Variants in WWOX observed in about 807,000 individuals in gnomAD.
WWOX encodes the protein WW domain-containing oxidoreductase.
Under a neutral mutation model 46.2 loss-of-function variants are expected in WWOX, and 69 were observed. The ratio of observed to expected loss-of-function variants is 1.49; its 90% CI spans 1.23 to 1.82. The LOEUF is 1.82. Among genes scored for constraint, WWOX ranks in the 40% most tolerant of loss-of-function variants. The probability of loss-of-function intolerance (pLI) is 0.00; values close to 1 mark genes in which losing one functional copy is unlikely to be tolerated. For missense variants in WWOX, 919 were observed against 542.6 expected, an observed-to-expected ratio of 1.69 and a Z score of -6.89; for synonymous variants, 359 against 202.6, an observed-to-expected ratio of 1.77 and a Z score of -6.56.
chr16:79,016,213 C>T (rs974426770), intron 8 of WWOX: 1 of 152,212 alleles, frequency 6.6e-6, no homozygotes, highest in African/African-American at 2.4e-5. Context: ...TCTGTAATAC[C>T]TTGTACCCCA....
At chr16:78,704,766 C>A (rs911427632) in intron 8 of WWOX, among the ~76,000 whole-genome samples, 1 of 152,264 alleles carries the variant, frequency 6.6e-6, no homozygotes, top group East Asian at 1.9e-4. Flanking sequence ...TCCCTGTTGA[C>A]TCCTTTCTTT....
chr16:78,910,638 G>C (rs933940416), intron 8 of WWOX, among the ~76,000 whole-genome samples: 3 of 151,964 alleles, frequency 2.0e-5, no homozygotes, highest in African/African-American at 7.2e-5. Flanking sequence ...GGCGGTGGAG[G>C]TGTCACCATT....
intron 8 of WWOX, among the ~76,000 whole-genome samples, chr16:79,175,277 C>T (rs2050778453): frequency 6.6e-6 from 1 of 152,146 alleles, no homozygotes; most frequent in African/African-American, 2.4e-5. Context: ...GTTTGAAATC[C>T]AACTTTATTC....
At chr16:78,329,059 G>T (rs375356871) in intron 5 of WWOX, among the ~76,000 whole-genome samples, 2 of 152,004 alleles carry the variant, frequency 1.3e-5, no homozygotes, top group Non-Finnish European at 2.9e-5. Context: ...CGAGGTTTCA[G>T]CATGTTCGCC....
chr16:78,540,768 C>T (rs994706967), intron 8 of WWOX, among the ~76,000 whole-genome samples: 2 of 152,062 alleles, frequency 1.3e-5, no homozygotes, highest in East Asian at 1.9e-4. Flanking sequence ...CTCATGGTGA[C>T]CTCAAATTCA....
chr16:78,886,004 A>G (rs1217137220), intron 8 of WWOX, among the ~76,000 whole-genome samples: 2 of 147,562 alleles, frequency 1.4e-5, no homozygotes, highest in African/African-American at 2.5e-5. Flanking sequence ...GGCTTGCTGC[A>G]ACCTCTGCCT....
intron 8 of WWOX, among the ~76,000 whole-genome samples, chr16:78,912,795 G>C (rs2045145353): frequency 6.6e-6 from 1 of 151,966 alleles, no homozygotes; most frequent in Non-Finnish European, 1.5e-5. Context: ...AGCCAATAAG[G>C]GAGGCTGAGA....
chr16:78,574,479 A>G (rs2044798427), intron 8 of WWOX, among the ~76,000 whole-genome samples: 1 of 152,100 alleles, frequency 6.6e-6, no homozygotes, highest in Non-Finnish European at 1.5e-5. Flanking sequence ...TCCTATCTAA[A>G]GTTGTCGGTG....
At chr16:78,564,896 A>G (rs1028569909) in intron 8 of WWOX, among the ~76,000 whole-genome samples, 3 of 150,954 alleles carry the variant, frequency 2.0e-5, no homozygotes, top group African/African-American at 7.3e-5. Flanking sequence ...ACTCTTCTCT[A>G]GTTTTTATAT....
At chr16:78,614,882 C>A (rs757916725) in intron 8 of WWOX, among the ~76,000 whole-genome samples, 1 of 152,170 alleles carries the variant, frequency 6.6e-6, no homozygotes, top group Non-Finnish European at 1.5e-5. Context: ...TTTGCTGCAG[C>A]CATCAAGCCA....
chr16:78,497,426 A>G (rs1230487684), intron 8 of WWOX, among the ~76,000 whole-genome samples: 2 of 152,216 alleles, frequency 1.3e-5, no homozygotes, highest in East Asian at 1.9e-4. Flanking sequence ...GTTTTTGTAT[A>G]TGAACCGAAA....
rs76980391 is a variant in WWOX, at chr16:78,693,561, A to G, written c.1056+260809A>G. ...CAGAACCAAATAGTCATAGAGTAGT[A>G]TTTCAGGTGGGGGGCCCTCCTCTAG... is the stretch of plus-strand genomic sequence containing the variant. On this transcript the variant is annotated intron_variant, in intron 8 of 8. Transcript: ENST00000566780. 8.5e-3 allele frequency among the ~76,000 whole-genome samples: 1,290 copies of G among 152,318 alleles called. 15 individuals carry two copies. The highest frequency in any genetic ancestry group is 0.014 in the Non-Finnish European group (971 of 68,024).
chr16:78,221,259 A>G (rs942637299), intron 5 of WWOX, among the ~76,000 whole-genome samples: 4 of 152,154 alleles, frequency 2.6e-5, no homozygotes, highest in African/African-American at 9.7e-5. Flanking sequence ...ATTTTCTATA[A>G]TTTCTATTTG....
intron 8 of WWOX, among the ~76,000 whole-genome samples, chr16:78,997,400 C>G (rs1049537651): frequency 6.6e-6 from 1 of 152,110 alleles, no homozygotes; most frequent in Non-Finnish European, 1.5e-5. Context: ...CACGGTGACA[C>G]GCAAAAGAAT....
chr16:78,357,705 C>A (rs150888781), intron 5 of WWOX, among the ~76,000 whole-genome samples: 1 of 152,166 alleles, frequency 6.6e-6, no homozygotes, highest in Admixed American at 6.5e-5. Flanking sequence ...TTATTGATCA[C>A]TTCCACATGC....
At chr16:78,968,092 C>A (rs367974611) in intron 8 of WWOX, among the ~76,000 whole-genome samples, 2 of 129,250 alleles carry the variant, frequency 1.5e-5, no homozygotes, top group African/African-American at 5.9e-5. Context: ...GTGCATGGTC[C>A]GCATGGCACA....
At chr16:78,190,061 C>G (rs1324732050) in intron 5 of WWOX, among the ~76,000 whole-genome samples, 2 of 152,212 alleles carry the variant, frequency 1.3e-5, no homozygotes, top group Admixed American at 1.3e-4. Flanking sequence ...GTATTAATAG[C>G]TCCATCTTAG....
At chr16:78,427,573 C>A (rs79310999) in intron 7 of WWOX, among the ~76,000 whole-genome samples, 1 of 152,038 alleles carries the variant, frequency 6.6e-6, no homozygotes, top group East Asian at 1.9e-4. Context: ...TTCTCAGCTT[C>A]TGTGTAGACA....
At chr16:79,183,507 C>T (rs893474594) in intron 8 of WWOX, among the ~76,000 whole-genome samples, 38 of 152,106 alleles carry the variant, frequency 2.5e-4, no homozygotes, top group Non-Finnish European at 4.6e-4. Context: ...TTATTTTTTT[C>T]TGTGTCTCTG....
Sources: allele counts gnomAD v4.1 joint callset (sites outside exome capture counted in the v4.1 genomes callset), GRCh38; gene constraint gnomAD v4.1.1; transcripts MANE v1.5; gene names NCBI Gene and HGNC (gene_info 2026-07-23, HGNC 2026-07-21).